Variants in VPS35L observed in about 807,000 individuals in gnomAD.
The protein encoded by VPS35L is VPS35 endosomal protein-sorting factor-like.
Under a neutral mutation model 133.0 loss-of-function variants are expected in VPS35L, and 83 were observed. That is an observed-to-expected ratio of 0.62 (90% CI 0.52 to 0.75). The LOEUF (loss-of-function observed/expected upper bound fraction) is 0.75. Ranked by LOEUF, VPS35L falls within the 30% of genes least tolerant of loss-of-function variation. VPS35L has a pLI of 0.00. For synonymous variants in VPS35L, 423 were observed against 449.9 expected (o/e 0.94, Z 0.76); for missense variants, 1,083 against 1,206.8 (o/e 0.90, Z 1.52).
At chr16:19,630,536 A>G (rs547085001) in intron 18 of VPS35L, among the ~76,000 whole-genome samples, 18 of 151,852 alleles carry the variant, frequency 1.2e-4, no homozygotes, top group Non-Finnish European at 2.5e-4. Flanking sequence ...GGGTTTCACC[A>G]TGTTAGCCAG....
At position 19,637,642 on chromosome 16, in the gene VPS35L, G is replaced by A. The variant is rs758517616; in HGVS notation, c.1684G>A (p.Val562Ile). Residue 562 changes from valine to isoleucine, a missense_variant, in exon 20 of 31, where the codon GTT becomes ATT. Val to Ile is a conservative substitution (Grantham distance 29). Transcript: ENST00000417362. Reference sequence around the variant, plus strand: ...TATTGCCCACTTCCATGACTTCTCAGTTCTTTTCTCAGTGGTAAGTAGGAT... The same window carrying A: ...TATTGCCCACTTCCATGACTTCTCAATTCTTTTCTCAGTGGTAAGTAGGAT... ...KVIAHFHDFS[V>I]LFSVEKFLPF... 10 of 1,579,904 alleles carry A rather than the reference G, an allele frequency of 6.3e-6. No individual in the cohort carries two copies. Among genetic ancestry groups the A allele is most frequent in the Non-Finnish European group, 8.6e-6 (10 of 1,158,314 alleles).
At chr16:19,687,875 G>A (rs1427938335) in intron 28 of VPS35L, among the ~76,000 whole-genome samples, 2 of 151,978 alleles carry the variant, frequency 1.3e-5, no homozygotes, top group Non-Finnish European at 2.9e-5. Flanking sequence ...CACTTTGGGA[G>A]GCCAAGGCGG....
rs574236925 is a variant in VPS35L, at chr16:19,584,472, C to CA, written c.639+2824dup. Reference sequence around the variant, plus strand: ...TAAAACCCCATCTCTACTGAAAATACAAAAATTAGCTGGGCATGGTGGCAG... The same window carrying CA: ...TAAAACCCCATCTCTACTGAAAATACAAAAAATTAGCTGGGCATGGTGGCAG... On this transcript the variant is annotated intron_variant, in intron 7 of 30. Transcript: ENST00000417362. Among the ~76,000 whole-genome samples the CA allele has an allele frequency of 3.9e-5, 6 of 151,988 alleles. No homozygotes were observed. The South Asian group carries it at 1.2e-3, about 32-fold the overall frequency.
chr16:19,699,984 C>A lies in VPS35L; in HGVS notation c.2793+336C>A, dbSNP rs1262857412. Among the ~76,000 whole-genome samples, 1 of 152,116 alleles carries A rather than the reference C, an allele frequency of 6.6e-6. No homozygotes were observed. Among genetic ancestry groups the A allele is most frequent in the Non-Finnish European group, 1.5e-5 (1 of 68,034 alleles). On this transcript the variant is annotated intron_variant, in intron 30 of 30. Coordinates refer to ENST00000417362, the MANE Select transcript of VPS35L (RefSeq NM_020314.7). This position sits in a 1 kb window ranked among gnomAD's most constrained non-coding sequence, Gnocchi z 4.2. ...TGGTGGTGCACATGTGTAGTCCCAG[C>A]TACTCGGGAGGCTGAAGAGGGAGGA...
chr16:19,641,085 GGC>G (rs1298813605), intron 21 of VPS35L, among the ~76,000 whole-genome samples: 2 of 151,426 alleles, frequency 1.3e-5, no homozygotes, highest in African/African-American at 4.9e-5. Flanking sequence ...TTTATTTTGA[GGC>G]AGAACCCTGC....
intron 28 of VPS35L, among the ~76,000 whole-genome samples, chr16:19,686,913 C>G (rs559121411): frequency 1.3e-5 from 2 of 152,164 alleles, no homozygotes; most frequent in South Asian, 2.1e-4. Context: ...ACTGCCCCCC[C>G]TTCCTTGAGA....
intron 22 of VPS35L, among the ~76,000 whole-genome samples, chr16:19,643,845 C>A (rs528914481): frequency 6.6e-6 from 1 of 151,876 alleles, no homozygotes; most frequent in Non-Finnish European, 1.5e-5. Context: ...GTAATCCCAG[C>A]TACTTGGGAG....
At chr16:19,601,519 A>G in intron 8 of VPS35L, 145 bp from the exon 9 acceptor site, 1 of 724,376 alleles carries the variant, frequency 1.4e-6, no homozygotes. Flanking sequence ...GTGGCTTAAA[A>G]TCTGTCCCAC....
At chr16:19,581,498 C>A in intron 6 of VPS35L, 27 bp from the exon 7 acceptor site, 11 of 1,537,418 alleles carry the variant, frequency 7.2e-6, no homozygotes, top group Non-Finnish European at 9.7e-6. Context: ...TCCTGCTATG[C>A]CTTCACCTTC....
chr16:19,625,461 C>G (rs188387714), intron 14 of VPS35L, among the ~76,000 whole-genome samples: 1 of 152,136 alleles, frequency 6.6e-6, no homozygotes, highest in Non-Finnish European at 1.5e-5. Flanking sequence ...GAGTAATTAT[C>G]GTTCTCATTC....
At chr16:19,618,191 A>G (rs776470050) in intron 14 of VPS35L, 1 of 152,188 alleles carries the variant, frequency 6.6e-6, no homozygotes, top group Non-Finnish European at 1.5e-5. Context: ...ATATAGAGCA[A>G]AGCAAAGTTG....
intron 19 of VPS35L, among the ~76,000 whole-genome samples, chr16:19,635,655 A>G (rs1325107829): frequency 6.6e-6 from 1 of 152,238 alleles, no homozygotes; most frequent in Admixed American, 6.5e-5. Context: ...GCAAGTGGAA[A>G]TGTCAGAGAA....
At chr16:19,557,376 C>T (rs1567377157) in intron 1 of VPS35L, among the ~76,000 whole-genome samples, 1 of 152,040 alleles carries the variant, frequency 6.6e-6, no homozygotes, top group African/African-American at 2.4e-5. Context: ...CCTAATATGG[C>T]CGTGCTCTAA....
rs542817988 is a variant in VPS35L at position 19,612,974 on chromosome 16, T to C, written c.1023+2559T>C. On this transcript the variant is annotated intron_variant, in intron 12 of 30. Coordinates refer to ENST00000417362, the MANE Select transcript of VPS35L (RefSeq NM_020314.7). ...CCAGGCAATGCATTGATTCCGCTGGTTGGGTAGTTTCTAAAAGTCTCTTTA... is the reference window on the plus strand; with the variant it reads ...CCAGGCAATGCATTGATTCCGCTGGCTGGGTAGTTTCTAAAAGTCTCTTTA... Among the ~76,000 whole-genome samples, 5 of 152,208 alleles carry C rather than the reference T, an allele frequency of 3.3e-5. No homozygotes were observed. In the East Asian group the frequency reaches 7.7e-4, roughly 24 times the overall value.
chr16:19,667,990 G>T (rs907377747), intron 26 of VPS35L, among the ~76,000 whole-genome samples: 3 of 152,118 alleles, frequency 2.0e-5, no homozygotes, highest in Non-Finnish European at 4.4e-5. Context: ...TTTACAAGGA[G>T]TGTCTTTCTG....
rs1168884151 is a variant in VPS35L at position 19,699,954 on chromosome 16, G to A, written c.2793+306G>A. On this transcript the variant is annotated intron_variant, in intron 30 of 30. Coordinates refer to ENST00000417362, the MANE Select transcript of VPS35L (RefSeq NM_020314.7). The surrounding 1 kb of genome is among the most constrained non-coding windows in gnomAD (Gnocchi z 4.2). ...CTCTACAAAAAATAAAAAATTAGCC[G>A]GCCATGGTGGTGCACATGTGTAGTC... 2.0e-5 allele frequency among the ~76,000 whole-genome samples: 3 copies of A among 152,014 alleles called. No homozygotes were observed. Among genetic ancestry groups the A allele is most frequent in the East Asian group, 1.9e-4 (1 of 5,182 alleles).
intron 26 of VPS35L, among the ~76,000 whole-genome samples, chr16:19,663,015 G>T (rs568620625): frequency 6.6e-6 from 1 of 151,852 alleles, no homozygotes; most frequent in East Asian, 1.9e-4. Flanking sequence ...TAATTATAAT[G>T]ATAATAATAA....
chr16:19,577,399 C>T (rs1971571767), intron 5 of VPS35L, among the ~76,000 whole-genome samples: 1 of 152,114 alleles, frequency 6.6e-6, no homozygotes, highest in Non-Finnish European at 1.5e-5. Context: ...AAGGATGGCA[C>T]CAAGCCGTTC....
intron 29 of VPS35L, among the ~76,000 whole-genome samples, chr16:19,697,944 G>A (rs996258121): frequency 6.6e-6 from 1 of 152,194 alleles, no homozygotes; most frequent in Non-Finnish European, 1.5e-5. Flanking sequence ...CAGAGCCTCA[G>A]GTGCCTCATC....
Sources: gnomAD v4.1 joint callset for allele counts (sites outside exome capture counted in the v4.1 genomes callset) on GRCh38, gnomAD v4.1.1 for gene constraint, Gnocchi (gnomAD v3.1) non-coding constraint, MANE v1.5 for transcripts, NCBI Gene and HGNC (gene_info 2026-07-23, HGNC 2026-07-21) for gene names.